ARHGAP10: variants seen among roughly 807,000 people sequenced by gnomAD.
The protein encoded by ARHGAP10 is rho GTPase-activating protein 10.
In ARHGAP10, 87 loss-of-function variants were observed where a neutral mutation model predicts 108.6. The ratio of observed to expected loss-of-function variants is 0.80; its 90% CI spans 0.67 to 0.96. The LOEUF (loss-of-function observed/expected upper bound fraction) is 0.96, where lower values mean the gene tolerates loss of function less well. Among genes scored for constraint, ARHGAP10 ranks in the 40% least tolerant of loss-of-function variants. The pLI is 0.00. For synonymous variants in ARHGAP10, 347 were observed against 341.1 expected, an observed-to-expected ratio of 1.02 and a Z score of -0.19; for missense variants, 939 against 954.5, an observed-to-expected ratio of 0.98 and a Z score of 0.21.
At chr4:147,989,917 TGCA>T (rs1740206574) in intron 18 of ARHGAP10, among the ~76,000 whole-genome samples, 1 of 152,238 alleles carries the variant, frequency 6.6e-6, no homozygotes, top group Non-Finnish European at 1.5e-5. Flanking sequence ...GTTTAGAGAT[TGCA>T]GTAAAGACAG....
At chr4:147,871,373 C>T (rs1002319193) in intron 7 of ARHGAP10, among the ~76,000 whole-genome samples, 1 of 152,090 alleles carries the variant, frequency 6.6e-6, no homozygotes, top group Non-Finnish European at 1.5e-5. Flanking sequence ...TTTTTGCCCC[C>T]CAAGTAGGAC....
At chr4:147,776,766 A>T (rs1407168883) in intron 1 of ARHGAP10, among the ~76,000 whole-genome samples, 1 of 152,338 alleles carries the variant, frequency 6.6e-6, no homozygotes, top group East Asian at 1.9e-4. Flanking sequence ...ATGGGGCAGC[A>T]TTGGGAGCTT....
Position 148,064,496 on chromosome 4 carries a change from T to C in ARHGAP10, c.2261T>C (p.Ile754Thr). The change falls in exon 22 of 23, where the codon ATT becomes ACT. Residue 754 changes from isoleucine to threonine, a missense_variant. Ile to Thr is a moderately conservative substitution (Grantham distance 89). Coordinates refer to ENST00000336498, the MANE Select transcript of ARHGAP10 (RefSeq NM_024605.4). ...GAATTATCTTTTGAAATAGGAGCAA[T>C]TTTTGAGGATGGTAAGTGTTAGTGG... is the stretch of plus-strand genomic sequence containing the variant. ...SSELSFEIGA[I>T]FEDVQTSREP... 1 of 1,614,014 alleles carries C rather than the reference T, an allele frequency of 6.2e-7. No individual in the cohort carries two copies. The highest frequency in any genetic ancestry group is 8.5e-7 in the Non-Finnish European group (1 of 1,179,910).
chr4:148,011,645 A>G (rs773044852), intron 18 of ARHGAP10, among the ~76,000 whole-genome samples: 1 of 152,246 alleles, frequency 6.6e-6, no homozygotes, highest in Non-Finnish European at 1.5e-5. Flanking sequence ...GATTTGGGAA[A>G]TCTGGGGCAG....
intron 19 of ARHGAP10, among the ~76,000 whole-genome samples, chr4:148,029,073 A>AT (rs1728014905): frequency 6.6e-6 from 1 of 152,196 alleles, no homozygotes; most frequent in African/African-American, 2.4e-5. Flanking sequence ...TTTAGTAAAA[A>AT]ATGGTGTAGA....
intron 3 of ARHGAP10, among the ~76,000 whole-genome samples, chr4:147,841,089 GAGTAGTTGGAACTGC>G (rs1252215812): frequency 3.9e-5 from 6 of 152,230 alleles, no homozygotes; most frequent in Non-Finnish European, 7.3e-5. Flanking sequence ...CAGCAGAGAT[GAGTAGTTGGAACTGC>G]AGCTGCATGG....
intron 13 of ARHGAP10, among the ~76,000 whole-genome samples, chr4:147,921,731 C>T (rs1578692001): frequency 6.6e-6 from 1 of 152,108 alleles, no homozygotes; most frequent in Non-Finnish European, 1.5e-5. Flanking sequence ...TTCATGGCAG[C>T]TCCTGTTCAC....
chr4:147,967,867 T>C (rs1170458005), intron 18 of ARHGAP10, among the ~76,000 whole-genome samples: 1 of 152,010 alleles, frequency 6.6e-6, no homozygotes, highest in Non-Finnish European at 1.5e-5. Flanking sequence ...GCGTATTCTG[T>C]TAAATTTTTG....
intron 10 of ARHGAP10, among the ~76,000 whole-genome samples, chr4:147,898,825 A>ATGGGG (rs1279920207): frequency 2.9e-5 from 4 of 138,484 alleles, no homozygotes; most frequent in Non-Finnish European, 6.3e-5. Flanking sequence ...AGAAAGAGAG[A>ATGGGG]TGGGGTGGGG....
intron 7 of ARHGAP10, among the ~76,000 whole-genome samples, chr4:147,871,126 A>ATT (rs1734807944): frequency 6.6e-6 from 1 of 151,756 alleles, no homozygotes; most frequent in South Asian, 2.1e-4. Flanking sequence ...TGCCCGGCTA[A>ATT]TTTTTGTATT....
chr4:147,792,431 C>A (rs1052374493), intron 1 of ARHGAP10, among the ~76,000 whole-genome samples: 1 of 152,144 alleles, frequency 6.6e-6, no homozygotes, highest in African/African-American at 2.4e-5. Flanking sequence ...TAATCATAAT[C>A]CTTGATTCAC....
intron 18 of ARHGAP10, among the ~76,000 whole-genome samples, chr4:147,995,950 C>T (rs1740457727): frequency 6.6e-6 from 1 of 152,186 alleles, no homozygotes; most frequent in Admixed American, 6.5e-5. Context: ...ATCTCCTGAC[C>T]TCGTGATCCG....
At chr4:147,854,302 G>A (rs1054800208) in intron 4 of ARHGAP10, among the ~76,000 whole-genome samples, 1 of 152,146 alleles carries the variant, frequency 6.6e-6, no homozygotes, top group Non-Finnish European at 1.5e-5. Flanking sequence ...GAAATCAGAA[G>A]ACATGGCCAA....
intron 18 of ARHGAP10, among the ~76,000 whole-genome samples, chr4:147,985,709 A>G (rs1165302983): frequency 6.6e-6 from 1 of 152,228 alleles, no homozygotes; most frequent in East Asian, 1.9e-4. Flanking sequence ...TGGATTAAAA[A>G]TGGCATCCCC....
intron 18 of ARHGAP10, among the ~76,000 whole-genome samples, chr4:148,001,314 TAG>T (rs1255080758): frequency 1.3e-5 from 2 of 152,234 alleles, no homozygotes; most frequent in Non-Finnish European, 2.9e-5. Context: ...TTGGTTACTG[TAG>T]CCTTGTAGTA....
At chr4:147,886,641 A>G (rs1054198239) in intron 10 of ARHGAP10, among the ~76,000 whole-genome samples, 1 of 152,168 alleles carries the variant, frequency 6.6e-6, no homozygotes, top group African/African-American at 2.4e-5. Flanking sequence ...CCAACTTAAG[A>G]TTCAGTTCTG....
intron 13 of ARHGAP10, among the ~76,000 whole-genome samples, chr4:147,938,527 A>C (rs377570053): frequency 6.6e-6 from 1 of 152,198 alleles, no homozygotes; most frequent in Admixed American, 6.5e-5. Context: ...CCAGCATAAC[A>C]TAGGGTATAG....
chr4:147,904,389 C>A (rs1442118075), intron 10 of ARHGAP10, among the ~76,000 whole-genome samples: 4 of 151,858 alleles, frequency 2.6e-5, no homozygotes, highest in Admixed American at 1.3e-4. Flanking sequence ...CCCGTCCCCC[C>A]ACCCCACAAC....
chr4:147,791,671 G>A (rs1200409868), intron 1 of ARHGAP10, among the ~76,000 whole-genome samples: 1 of 151,860 alleles, frequency 6.6e-6, no homozygotes, highest in Non-Finnish European at 1.5e-5. Flanking sequence ...TGTAACTTCC[G>A]CCTCCTGGGT....
Sources: gnomAD v4.1 joint callset for allele counts (sites outside exome capture counted in the v4.1 genomes callset) on GRCh38, gnomAD v4.1.1 for gene constraint, MANE v1.5 for transcripts, NCBI Gene and HGNC (gene_info 2026-07-23, HGNC 2026-07-21) for gene names.